The following BMPR1B variants were observed in gnomAD, a reference collection of about 807,000 sequenced individuals.
BMPR1B encodes bone morphogenetic protein receptor type 1B.
In BMPR1B, 12 loss-of-function variants were observed where a neutral mutation model predicts 59.1. That is an observed-to-expected ratio of 0.20 (90% CI 0.13 to 0.33). The LOEUF (loss-of-function observed/expected upper bound fraction) is 0.33, where lower values mean the gene tolerates loss of function less well. Among genes scored for constraint, BMPR1B ranks in the 10% least tolerant of loss-of-function variants. BMPR1B has a pLI of 1.00. For synonymous variants in BMPR1B, 237 were observed against 207.3 expected (o/e 1.14, Z -1.23); for missense variants, 550 against 610.9 (o/e 0.90, Z 1.05).
At chr4:95,042,047 G>A (rs1415783061) in intron 3 of BMPR1B, among the ~76,000 whole-genome samples, 2 of 152,004 alleles carry the variant, frequency 1.3e-5, no homozygotes, top group East Asian at 1.9e-4. Context: ...TAGTAGAGAC[G>A]GGGTTTCACT....
intron 2 of BMPR1B, among the ~76,000 whole-genome samples, chr4:94,937,582 AT>A (rs1236682415): frequency 6.6e-6 from 1 of 152,216 alleles, no homozygotes; most frequent in Non-Finnish European, 1.5e-5. Context: ...TTTGTTCCTT[AT>A]TCTGTTTAGG....
At chr4:95,139,980 T>C (rs928265676) in intron 10 of BMPR1B, among the ~76,000 whole-genome samples, 2 of 152,110 alleles carry the variant, frequency 1.3e-5, no homozygotes, top group Non-Finnish European at 2.9e-5. Flanking sequence ...GTACCTAAGT[T>C]GGAAATGCAG....
intron 6 of BMPR1B, among the ~76,000 whole-genome samples, chr4:95,121,899 T>C (rs955430502): frequency 1.3e-5 from 2 of 152,232 alleles, no homozygotes; most frequent in African/African-American, 2.4e-5. Context: ...ATCATTAGCA[T>C]GTGCAAAGAT....
intron 2 of BMPR1B, among the ~76,000 whole-genome samples, chr4:94,919,806 A>T (rs1256017775): frequency 5.3e-5 from 8 of 152,206 alleles, no homozygotes; most frequent in African/African-American, 1.9e-4. Flanking sequence ...TAAAAATGTT[A>T]TACCCAAGAT....
chr4:94,915,297 A>G (rs1283403064), intron 2 of BMPR1B, among the ~76,000 whole-genome samples: 1 of 152,158 alleles, frequency 6.6e-6, no homozygotes, highest in Admixed American at 6.6e-5. Flanking sequence ...TAAAACCACA[A>G]CCTGGAAAGA....
At chr4:94,870,001 C>T (rs565385530) in intron 1 of BMPR1B, among the ~76,000 whole-genome samples, 1 of 152,124 alleles carries the variant, frequency 6.6e-6, no homozygotes, top group Non-Finnish European at 1.5e-5. Context: ...GGTTGAAAAT[C>T]TGTGTAGTCA....
intron 3 of BMPR1B, among the ~76,000 whole-genome samples, chr4:95,061,160 A>AACACACACACACACACAC (rs58119571): frequency 4.9e-5 from 7 of 142,668 alleles, no homozygotes; most frequent in East Asian, 4.2e-4. Flanking sequence ...ATTTAGAATA[A>AACACACACACACACACAC]ACACACACAC....
intron 2 of BMPR1B, among the ~76,000 whole-genome samples, chr4:94,891,031 GT>G (rs1396228388): frequency 2.0e-5 from 3 of 152,018 alleles, no homozygotes; most frequent in Non-Finnish European, 4.4e-5. Context: ...TTGGAAAACA[GT>G]TTTTTAACCT....
chr4:94,889,545 A>T (rs2148988463), intron 2 of BMPR1B, among the ~76,000 whole-genome samples: 1 of 152,232 alleles, frequency 6.6e-6, no homozygotes, highest in South Asian at 2.1e-4. Flanking sequence ...AACAAATAAA[A>T]GGTGTTGTGC....
chr4:95,102,138 CCAAATTTTATACCACTTCTTCTAGA>C (rs1730870454), intron 3 of BMPR1B, among the ~76,000 whole-genome samples: 1 of 152,154 alleles, frequency 6.6e-6, no homozygotes, highest in Non-Finnish European at 1.5e-5. Flanking sequence ...TTGTGAAGAA[CCAAATTTTATACCACTTCTTCTAGA>C]CAAATTTTAT....
chr4:95,029,996 A>G (rs887561000), intron 3 of BMPR1B, among the ~76,000 whole-genome samples: 2 of 151,252 alleles, frequency 1.3e-5, no homozygotes, highest in African/African-American at 4.9e-5. Flanking sequence ...GTTTGAGTTC[A>G]TTGTAGATTC....
chr4:94,886,253 A>G (rs751097977), intron 2 of BMPR1B, among the ~76,000 whole-genome samples: 34 of 152,222 alleles, frequency 2.2e-4, no homozygotes, highest in Non-Finnish European at 2.9e-4. Context: ...GACTATTACA[A>G]TTTGATAAAA....
At chr4:95,117,520 CA>C (rs2149281856) in intron 6 of BMPR1B, among the ~76,000 whole-genome samples, 1 of 152,076 alleles carries the variant, frequency 6.6e-6, no homozygotes, top group Non-Finnish European at 1.5e-5. Context: ...CAGTGGCTCA[CA>C]CCTGTAATCT....
intron 3 of BMPR1B, among the ~76,000 whole-genome samples, chr4:95,015,675 A>G (rs1017337871): frequency 9.3e-5 from 14 of 149,800 alleles, no homozygotes; most frequent in African/African-American, 3.4e-4. Flanking sequence ...GGCGTGAATC[A>G]CCATGCCTAG....
intron 10 of BMPR1B, among the ~76,000 whole-genome samples, chr4:95,137,759 G>T (rs1001046705): frequency 7.2e-5 from 11 of 151,916 alleles, no homozygotes; most frequent in African/African-American, 2.7e-4. Flanking sequence ...CATTTGCTTG[G>T]TACATCTTCC....
intron 1 of BMPR1B, among the ~76,000 whole-genome samples, chr4:94,799,605 T>G (rs1723327298): frequency 6.6e-6 from 1 of 151,010 alleles, no homozygotes; most frequent in Admixed American, 6.6e-5. Flanking sequence ...CCCAGCCAAC[T>G]GTGTTTTTAA....
At chr4:95,113,695 G>A (rs1731796918) in intron 4 of BMPR1B, among the ~76,000 whole-genome samples, 1 of 152,236 alleles carries the variant, frequency 6.6e-6, no homozygotes, top group African/African-American at 2.4e-5. Context: ...ATCAATGTCT[G>A]TTTACAAACA....
intron 3 of BMPR1B, among the ~76,000 whole-genome samples, chr4:95,068,225 G>A (rs1002404360): frequency 6.6e-6 from 1 of 152,006 alleles, no homozygotes; most frequent in African/African-American, 2.4e-5. Flanking sequence ...TAACATAATC[G>A]TATTTCCCGT....
chr4:94,962,122 T>TCCTG (rs979786710), intron 2 of BMPR1B, among the ~76,000 whole-genome samples: 1 of 131,376 alleles, frequency 7.6e-6, no homozygotes, highest in Non-Finnish European at 1.5e-5. Context: ...CTTCCTTCCT[T>TCCTG]CTTTCCTTCC....
Sources: allele counts gnomAD v4.1 joint callset (sites outside exome capture counted in the v4.1 genomes callset), GRCh38; gene constraint gnomAD v4.1.1; transcripts MANE v1.5; gene names NCBI Gene and HGNC (gene_info 2026-07-23, HGNC 2026-07-21).